The following HOMER2 variants were observed in gnomAD, a reference collection of about 807,000 sequenced individuals.
HOMER2 encodes the protein homer protein homolog 2.
A neutral mutation model predicts 47.0 loss-of-function variants in HOMER2; 27 were observed. That is an observed-to-expected ratio of 0.57 (90% CI 0.42 to 0.79). The LOEUF (loss-of-function observed/expected upper bound fraction) is 0.79, where lower values mean the gene tolerates loss of function less well. HOMER2 is among the 30% of genes least tolerant of loss of function. The pLI, the probability that HOMER2 is intolerant of heterozygous loss-of-function variation, is 0.00. For missense variants in HOMER2, 443 were observed against 435.0 expected, an observed-to-expected ratio of 1.02 and a Z score of -0.16; for synonymous variants, 161 against 163.8, an observed-to-expected ratio of 0.98 and a Z score of 0.13.
At chr15:82,842,022 T>A (rs1000691195) in exon 2 of HOMER2, 3 of 152,242 alleles carry the variant, frequency 2.0e-5, no homozygotes, top group Non-Finnish European at 4.4e-5. Context: ...ATTATGTTTT[T>A]AAATAATGTT....
chr15:82,957,881 A>T (rs1449219581), downstream of HOMER2, among the ~76,000 whole-genome samples: 1 of 152,152 alleles, frequency 6.6e-6, no homozygotes, highest in African/African-American at 2.4e-5. Context: ...ACTGTCACCC[A>T]GGCTGGAGTG....
chr15:82,960,300 A>C (rs1190519571), intron 1 of HOMER2, among the ~76,000 whole-genome samples: 1 of 152,126 alleles, frequency 6.6e-6, no homozygotes, highest in Non-Finnish European at 1.5e-5. Context: ...ATAAGAGGAG[A>C]TGTCCAGTGG....
chr15:82,913,798 G>A lies in HOMER2; in HGVS notation c.6-20957C>T, dbSNP rs779170515. On this transcript the variant is annotated intron_variant, in intron 1 of 8. Transcript: ENST00000450735. This position sits in a 1 kb window ranked among gnomAD's most constrained non-coding sequence, Gnocchi z 4.1. The stretch of plus-strand genomic sequence containing the variant: ...TCTTTTCTGGTCATTTATTTAAAAC[G>A]TGTACAGGGCTGTGGAAAACTGGTG... Among the ~76,000 whole-genome samples the A allele has an allele frequency of 7.2e-5, 11 of 152,106 alleles. No individual in the cohort carries two copies. The highest frequency in any genetic ancestry group is 1.5e-4 in the Non-Finnish European group (10 of 68,028).
At chr15:82,875,492 T>G in intron 2 of HOMER2, 88 bp from the exon 3 acceptor site, 1 of 1,399,888 alleles carries the variant, frequency 7.1e-7, no homozygotes, top group Non-Finnish European at 9.9e-7. Context: ...GCAAAGCCAG[T>G]GCTTCAAGCC....
At chr15:82,859,364 T>G (rs2051699524) in intron 4 of HOMER2, among the ~76,000 whole-genome samples, 1 of 151,972 alleles carries the variant, frequency 6.6e-6, no homozygotes, top group African/African-American at 2.4e-5. Flanking sequence ...AAGACTATCA[T>G]GACCAAAGAA....
intron 1 of HOMER2, among the ~76,000 whole-genome samples, chr15:82,973,470 C>T (rs1200276846): frequency 1.3e-5 from 2 of 152,150 alleles, no homozygotes; most frequent in Non-Finnish European, 2.9e-5. Flanking sequence ...CAGTGCCTGG[C>T]ATGTAGTAAA....
intron 2 of HOMER2, among the ~76,000 whole-genome samples, chr15:82,891,381 G>A (rs938553607): frequency 6.6e-6 from 1 of 152,180 alleles, no homozygotes; most frequent in Non-Finnish European, 1.5e-5. Context: ...AGAACAAGAG[G>A]ATCCCAGGGT....
rs1159853148 is a variant in HOMER2 at position 82,854,626 on chromosome 15, T to C, written c.651+18A>G. On this transcript the variant is annotated intron_variant, in intron 6 of 8. Transcript: ENST00000450735. Reference sequence around the variant, plus strand: ...CACACCAGCTGGCCTCGGGGCTCACTGCATCCACCGTACCCACCTTGTTGC... The same window carrying C: ...CACACCAGCTGGCCTCGGGGCTCACCGCATCCACCGTACCCACCTTGTTGC... The C allele has an allele frequency of 5.0e-6, 8 of 1,603,312 alleles. No individual in the cohort carries two copies. Among genetic ancestry groups the C allele is most frequent in the Non-Finnish European group, 6.0e-6 (7 of 1,173,642 alleles).
chr15:82,847,816 ATC>A (rs1034456932), downstream of HOMER2, among the ~76,000 whole-genome samples: 2 of 152,044 alleles, frequency 1.3e-5, no homozygotes, highest in Non-Finnish European at 2.9e-5. Context: ...TGGCTTGAGA[ATC>A]CCCTTATCCC....
At chr15:82,983,457 T>G (rs1021764633) in intron 1 of HOMER2, among the ~76,000 whole-genome samples, 4 of 152,216 alleles carry the variant, frequency 2.6e-5, no homozygotes, top group African/African-American at 9.6e-5. Context: ...ATTTCACCAG[T>G]GTTTCAAATT....
At position 82,946,659 on chromosome 15, in the gene HOMER2, C is replaced by G. The variant is rs571061209; in HGVS notation, c.5+5872G>C. ...ACTGCAACATCCTCTAGTCCCCTTCCTTATCCTATTGCTATGTAATAAACT... is the reference window on the plus strand; with the variant it reads ...ACTGCAACATCCTCTAGTCCCCTTCGTTATCCTATTGCTATGTAATAAACT... On this transcript the variant is annotated intron_variant, in intron 1 of 8. Transcript: ENST00000450735. Among the ~76,000 whole-genome samples the G allele has an allele frequency of 4.6e-5, 7 of 152,250 alleles. No individual in the cohort carries two copies. The South Asian group carries it at 1.5e-3, about 32-fold the overall frequency.
At chr15:82,880,318 C>G (rs752544950) in intron 2 of HOMER2, among the ~76,000 whole-genome samples, 5 of 152,222 alleles carry the variant, frequency 3.3e-5, no homozygotes. Flanking sequence ...TTGCCAACTT[C>G]TGGTTTAGCG....
intron 1 of HOMER2, among the ~76,000 whole-genome samples, chr15:82,934,122 C>T (rs1006894760): frequency 1.3e-5 from 2 of 152,150 alleles, no homozygotes; most frequent in Admixed American, 1.3e-4. Context: ...CAACACTCCC[C>T]ACCGCCCCCC....
chr15:82,892,069 G>A (rs759424065), intron 2 of HOMER2, among the ~76,000 whole-genome samples: 2 of 151,546 alleles, frequency 1.3e-5, no homozygotes, highest in Non-Finnish European at 1.5e-5. Flanking sequence ...AAAATATCAT[G>A]GGAGACAGAA....
intron 1 of HOMER2, among the ~76,000 whole-genome samples, chr15:82,971,131 T>G (rs1379914728): frequency 6.6e-6 from 1 of 152,234 alleles, no homozygotes; most frequent in Non-Finnish European, 1.5e-5. Flanking sequence ...GAGAACATCA[T>G]GAGCTTGGTT....
intron 5 of HOMER2, among the ~76,000 whole-genome samples, chr15:82,855,721 C>T (rs1389368514): frequency 1.3e-5 from 2 of 152,208 alleles, no homozygotes; most frequent in East Asian, 3.9e-4. Context: ...CCCATATCCC[C>T]CCGGGGTGTG....
rs140955212 is a variant in HOMER2, at chr15:82,924,339, T to TG, written c.5+28191dup. On this transcript the variant is annotated intron_variant, in intron 1 of 8. Coordinates refer to ENST00000450735, the MANE Select transcript of HOMER2 (RefSeq NM_004839.4). ...GGCTGCCAGCAGGTGTCTAGACAGC[T>TG]GGGGCCCATGTGTGCTGGCCCTTTT... Among the ~76,000 whole-genome samples the TG allele has an allele frequency of 2.7e-3, 411 of 149,976 alleles. 2 individuals carry two copies. Among genetic ancestry groups the TG allele is most frequent in the African/African-American group, 9.8e-3 (400 of 40,828 alleles).
intron 4 of HOMER2, among the ~76,000 whole-genome samples, chr15:82,861,255 T>A (rs962052507): frequency 6.6e-6 from 1 of 152,174 alleles, no homozygotes; most frequent in Non-Finnish European, 1.5e-5. Context: ...CACAAAGACA[T>A]GCAAGAACAT....
At chr15:82,909,922 G>A (rs541605109) in intron 1 of HOMER2, among the ~76,000 whole-genome samples, 1 of 152,070 alleles carries the variant, frequency 6.6e-6, no homozygotes, top group Non-Finnish European at 1.5e-5. Context: ...ATCACCCGAG[G>A]TCAGGAGTTT....
Sources: gnomAD v4.1 joint callset for allele counts (sites outside exome capture counted in the v4.1 genomes callset) on GRCh38, gnomAD v4.1.1 for gene constraint, Gnocchi (gnomAD v3.1) non-coding constraint, MANE v1.5 for transcripts, NCBI Gene and HGNC (gene_info 2026-07-23, HGNC 2026-07-21) for gene names.